The following GPC6 variants were observed in gnomAD, a reference collection of about 807,000 sequenced individuals.
The protein encoded by GPC6 is glypican-6.
In GPC6, 14 loss-of-function variants were observed where a neutral mutation model predicts 55.2. That is an observed-to-expected ratio of 0.25 (90% CI 0.17 to 0.40). The LOEUF (loss-of-function observed/expected upper bound fraction) is 0.40. Ranked by LOEUF, GPC6 falls within the 10% of genes least tolerant of loss-of-function variation. The pLI, the probability that GPC6 is intolerant of heterozygous loss-of-function variation, is 1.00. For missense variants in GPC6, 641 were observed against 708.5 expected, an observed-to-expected ratio of 0.90 and a Z score of 1.08; for synonymous variants, 278 against 259.6, an observed-to-expected ratio of 1.07 and a Z score of -0.68.
At chr13:93,798,644 C>T (rs150746954) in intron 2 of GPC6, among the ~76,000 whole-genome samples, 6 of 152,126 alleles carry the variant, frequency 3.9e-5, no homozygotes, top group African/African-American at 9.6e-5. Flanking sequence ...ACAGGCTGGG[C>T]GCGTTAGCTC....
chr13:94,143,828 C>G (rs568929314), intron 4 of GPC6, among the ~76,000 whole-genome samples: 3 of 152,254 alleles, frequency 2.0e-5, no homozygotes, highest in Admixed American at 6.5e-5. Flanking sequence ...GAAGTCCAGG[C>G]TGCAGTTAGC....
chr13:93,361,214 T>C (rs1881028781), intron 1 of GPC6, among the ~76,000 whole-genome samples: 1 of 152,160 alleles, frequency 6.6e-6, no homozygotes, highest in South Asian at 2.1e-4. Context: ...TCTGAAACTT[T>C]CTTGCCATAC....
chr13:93,485,703 A>G (rs1879680385), intron 1 of GPC6, among the ~76,000 whole-genome samples: 1 of 152,192 alleles, frequency 6.6e-6, no homozygotes, highest in South Asian at 2.1e-4. Context: ...TGATGCCACT[A>G]GTGAAAACAG....
intron 4 of GPC6, among the ~76,000 whole-genome samples, chr13:94,107,937 T>A (rs1886115384): frequency 6.6e-6 from 1 of 152,174 alleles, no homozygotes. Flanking sequence ...ACACTGCTTG[T>A]GGGAATGTAA....
At chr13:93,632,943 G>A (rs1345563372) in intron 2 of GPC6, among the ~76,000 whole-genome samples, 7 of 151,992 alleles carry the variant, frequency 4.6e-5, no homozygotes, top group Admixed American at 4.6e-4. Flanking sequence ...AATATAATAA[G>A]CCCATCAGGT....
At chr13:93,995,590 T>G (rs1469127664) in intron 3 of GPC6, among the ~76,000 whole-genome samples, 1 of 152,214 alleles carries the variant, frequency 6.6e-6, no homozygotes, top group Non-Finnish European at 1.5e-5. Flanking sequence ...TATGTTAATA[T>G]CAAGTTGTTA....
chr13:94,194,808 A>G (rs1287466624), intron 4 of GPC6, among the ~76,000 whole-genome samples: 1 of 152,108 alleles, frequency 6.6e-6, no homozygotes, highest in Admixed American at 6.6e-5. Context: ...TGAGGACCAG[A>G]GATGCTTGTA....
chr13:93,331,128 G>A (rs1386275588), intron 1 of GPC6, among the ~76,000 whole-genome samples: 1 of 152,016 alleles, frequency 6.6e-6, no homozygotes, highest in Non-Finnish European at 1.5e-5. Context: ...TTATTCTCTA[G>A]GATGTTGTGT....
intron 2 of GPC6, among the ~76,000 whole-genome samples, chr13:93,649,996 T>C (rs1240892816): frequency 6.6e-6 from 1 of 152,148 alleles, no homozygotes; most frequent in Non-Finnish European, 1.5e-5. Flanking sequence ...CAGGAGTAGA[T>C]TTGTGATAAA....
At chr13:93,314,327 T>G (rs751394514) in intron 1 of GPC6, among the ~76,000 whole-genome samples, 2 of 152,122 alleles carry the variant, frequency 1.3e-5, no homozygotes, top group Admixed American at 6.6e-5. Flanking sequence ...AGAATCAAAG[T>G]GATCACATCA....
chr13:93,851,093 A>G (rs1888376688), intron 3 of GPC6, among the ~76,000 whole-genome samples: 1 of 151,964 alleles, frequency 6.6e-6, no homozygotes, highest in Non-Finnish European at 1.5e-5. Context: ...TTGGTGTAAC[A>G]CAGCTTACTT....
rs1437735552 is a variant in GPC6 at position 94,379,936 on chromosome 13, C to T, written c.1153-2478C>T. ...TTAGAATCATCAAGAGGGCATAGCG[C>T]AGCGCAGAAAGCTGAATCTAAATCT... On this transcript the variant is annotated intron_variant, in intron 6 of 8. Transcript: ENST00000377047. 3.3e-5 allele frequency among the ~76,000 whole-genome samples: 5 copies of T among 152,184 alleles called. No homozygotes were observed. The East Asian group carries it at 9.6e-4, about 29-fold the overall frequency.
At chr13:94,136,855 CTT>C (rs1403329531) in intron 4 of GPC6, among the ~76,000 whole-genome samples, 1 of 152,140 alleles carries the variant, frequency 6.6e-6, no homozygotes, top group Non-Finnish European at 1.5e-5. Context: ...AAAACACTAA[CTT>C]TGCAGATAGG....
chr13:93,723,889 A>T (rs913438034), intron 2 of GPC6, among the ~76,000 whole-genome samples: 1 of 151,926 alleles, frequency 6.6e-6, no homozygotes, highest in Admixed American at 6.6e-5. Flanking sequence ...GATAATAAAG[A>T]TCTCTCTGTC....
chr13:93,946,155 T>G (rs1033578624), intron 3 of GPC6, among the ~76,000 whole-genome samples: 2 of 152,212 alleles, frequency 1.3e-5, no homozygotes, highest in African/African-American at 4.8e-5. Context: ...TTAATGAACA[T>G]GAAGTTGGGA....
intron 4 of GPC6, among the ~76,000 whole-genome samples, chr13:94,141,531 A>G (rs947808299): frequency 2.6e-5 from 4 of 152,152 alleles, no homozygotes; most frequent in African/African-American, 9.7e-5. Context: ...AGGAGGTATC[A>G]TGAGGCATGT....
chr13:93,939,728 G>A (rs1475712955), intron 3 of GPC6, among the ~76,000 whole-genome samples: 2 of 151,906 alleles, frequency 1.3e-5, no homozygotes, highest in Non-Finnish European at 2.9e-5. Flanking sequence ...AGGATTACAG[G>A]CATGAGCCAC....
chr13:93,239,761 C>T (rs1212129600), intron 1 of GPC6, among the ~76,000 whole-genome samples: 1 of 151,816 alleles, frequency 6.6e-6, no homozygotes, highest in Non-Finnish European at 1.5e-5. Flanking sequence ...TTGATGTAGA[C>T]ATTTAGTGCT....
At chr13:93,425,493 C>G (rs1053847059) in intron 1 of GPC6, among the ~76,000 whole-genome samples, 11 of 152,124 alleles carry the variant, frequency 7.2e-5, no homozygotes, top group Non-Finnish European at 1.0e-4. Context: ...AGAAAAGGAT[C>G]AAAAGATTAA....
Sources: allele counts gnomAD v4.1 joint callset (sites outside exome capture counted in the v4.1 genomes callset), GRCh38; gene constraint gnomAD v4.1.1; transcripts MANE v1.5; gene names NCBI Gene and HGNC (gene_info 2026-07-23, HGNC 2026-07-21).